The following TAFA1 variants were observed in gnomAD, a reference collection of about 807,000 sequenced individuals.
The protein encoded by TAFA1 is TAFA chemokine like family member 1.
Under a neutral mutation model 18.5 loss-of-function variants are expected in TAFA1, and 4 were observed. The ratio of observed to expected loss-of-function variants is 0.22; its 90% confidence interval spans 0.11 to 0.49. The LOEUF is 0.49. Ranked by LOEUF, TAFA1 falls within the 20% of genes least tolerant of loss-of-function variation. The probability of loss-of-function intolerance (pLI) is 0.98; values close to 1 mark genes in which losing one functional copy is unlikely to be tolerated. For missense variants in TAFA1, 147 were observed against 169.0 expected (o/e 0.87, Z 0.72); for synonymous variants, 56 against 55.2 (o/e 1.01, Z -0.06).
chr3:68,275,391 G>C (rs1438180303), intron 2 of TAFA1, among the ~76,000 whole-genome samples: 1 of 152,042 alleles, frequency 6.6e-6, no homozygotes, highest in Non-Finnish European at 1.5e-5. Flanking sequence ...TCTTGAAGGT[G>C]CAGAGCAAAA....
chr3:68,314,063 T>C (rs1418392981), intron 2 of TAFA1, among the ~76,000 whole-genome samples: 1 of 152,164 alleles, frequency 6.6e-6, no homozygotes, highest in Non-Finnish European at 1.5e-5. Flanking sequence ...TACCCTTGAA[T>C]AGGATTAAGA....
intron 3 of TAFA1, among the ~76,000 whole-genome samples, chr3:68,522,118 A>G (rs1360256047): frequency 6.6e-6 from 1 of 152,016 alleles, no homozygotes; most frequent in African/African-American, 2.4e-5. Flanking sequence ...AAGTACTTGG[A>G]TTCCAGGTGT....
chr3:68,450,688 C>T (rs951585691), intron 3 of TAFA1, among the ~76,000 whole-genome samples: 6 of 152,102 alleles, frequency 3.9e-5, no homozygotes, highest in Admixed American at 1.3e-4. Flanking sequence ...AAGGGGGTCC[C>T]AACATTTTGG....
intron 2 of TAFA1, among the ~76,000 whole-genome samples, chr3:68,299,925 A>T (rs2068273953): frequency 6.6e-6 from 1 of 152,264 alleles, no homozygotes; most frequent in Admixed American, 6.5e-5. Flanking sequence ...CAGAAGATGT[A>T]TGGAACTACC....
chr3:68,215,661 A>G (rs919909585), intron 2 of TAFA1, among the ~76,000 whole-genome samples: 1 of 152,112 alleles, frequency 6.6e-6, no homozygotes, highest in African/African-American at 2.4e-5. Flanking sequence ...AAAACTGGCA[A>G]TACTAAATGC....
intron 2 of TAFA1, among the ~76,000 whole-genome samples, chr3:68,364,651 C>A (rs573358607): frequency 6.6e-6 from 1 of 152,062 alleles, no homozygotes; most frequent in East Asian, 1.9e-4. Flanking sequence ...CTAAGAAAAG[C>A]ATAGACTATA....
chr3:68,065,636 G>T (rs1396334888), intron 2 of TAFA1, among the ~76,000 whole-genome samples: 2 of 151,878 alleles, frequency 1.3e-5, no homozygotes, highest in Admixed American at 1.3e-4. Context: ...TGTGAGTGGA[G>T]ACATAGATGA....
rs528920466 is a variant in TAFA1 at position 68,481,474 on chromosome 3, G to T, written c.260-57282G>T. Among the ~76,000 whole-genome samples the T allele has an allele frequency of 1.5e-4, 23 of 152,252 alleles. No homozygotes were observed. In the East Asian group the frequency reaches 4.5e-3, roughly 29 times the overall value. ...GATCTAAAAGAGTGTTAGAAGAATTGGATGACGTTATATACCTCTTTTGGC... is the reference window on the plus strand; with the variant it reads ...GATCTAAAAGAGTGTTAGAAGAATTTGATGACGTTATATACCTCTTTTGGC... On this transcript the variant is annotated intron_variant, in intron 3 of 4. Transcript: ENST00000478136.
chr3:68,519,157 C>T (rs975654341), intron 3 of TAFA1, among the ~76,000 whole-genome samples: 4 of 152,142 alleles, frequency 2.6e-5, no homozygotes, highest in Non-Finnish European at 5.9e-5. Flanking sequence ...AACCTAATCA[C>T]CAATGTGATG....
intron 2 of TAFA1, among the ~76,000 whole-genome samples, chr3:68,047,872 C>T (rs529369102): frequency 6.6e-6 from 1 of 152,104 alleles, no homozygotes; most frequent in Non-Finnish European, 1.5e-5. Flanking sequence ...GACTCCATCA[C>T]TCTCCTACGA....
chr3:68,217,487 G>A (rs2066673590), intron 2 of TAFA1, among the ~76,000 whole-genome samples: 1 of 151,954 alleles, frequency 6.6e-6, no homozygotes, highest in African/African-American at 2.4e-5. Flanking sequence ...TATCCTGGAT[G>A]GATGGGATCC....
intron 2 of TAFA1, among the ~76,000 whole-genome samples, chr3:68,310,589 A>T (rs967477265): frequency 6.6e-6 from 1 of 152,188 alleles, no homozygotes; most frequent in African/African-American, 2.4e-5. Context: ...ATTCATATAA[A>T]CACTATCATA....
At chr3:68,370,443 T>TGTGTATATATATAC (rs2069671774) in intron 2 of TAFA1, among the ~76,000 whole-genome samples, 1 of 56,606 alleles carries the variant, frequency 1.8e-5, no homozygotes, top group African/African-American at 6.4e-5. Context: ...TATATATACA[T>TGTGTATATATATAC]ATGTATATAT....
chr3:68,431,636 T>C (rs569682926), intron 3 of TAFA1, among the ~76,000 whole-genome samples: 73 of 152,076 alleles, frequency 4.8e-4, no homozygotes, highest in African/African-American at 1.8e-3. Flanking sequence ...GCATTCATTC[T>C]CAAACAGACA....
At chr3:68,051,654 T>C (rs2064472690) in intron 2 of TAFA1, among the ~76,000 whole-genome samples, 1 of 152,190 alleles carries the variant, frequency 6.6e-6, no homozygotes, top group Non-Finnish European at 1.5e-5. Context: ...TCTGAACTTT[T>C]ACCCTCTAAT....
chr3:68,430,953 C>T (rs972034722), intron 3 of TAFA1, among the ~76,000 whole-genome samples: 36 of 151,948 alleles, frequency 2.4e-4, no homozygotes, highest in African/African-American at 8.0e-4. Context: ...TCTGGGTAAA[C>T]GGCTTCTCAT....
At chr3:68,493,210 G>T (rs2072485402) in intron 3 of TAFA1, among the ~76,000 whole-genome samples, 1 of 152,060 alleles carries the variant, frequency 6.6e-6, no homozygotes, top group Non-Finnish European at 1.5e-5. Flanking sequence ...CTTGACTACT[G>T]AAAGTAGTCA....
Position 68,320,964 on chromosome 3 carries a change from A to C in TAFA1, c.119-96316A>C, listed in dbSNP as rs188123388. Among the ~76,000 whole-genome samples the C allele has an allele frequency of 6.9e-3, 1,049 of 152,254 alleles. 9 individuals carry two copies. Among genetic ancestry groups the C allele is most frequent in the African/African-American group, 0.024 (1,008 of 41,564 alleles). On this transcript the variant is annotated intron_variant, in intron 2 of 4. Transcript: ENST00000478136. Reference sequence around the variant, plus strand: ...ATGGTCTAGCCCTAATATCTCCTCCAGCAGAACAGAGTAGACGTTTCCACT... The same window carrying C: ...ATGGTCTAGCCCTAATATCTCCTCCCGCAGAACAGAGTAGACGTTTCCACT...
chr3:68,180,613 A>G (rs2066186545), intron 2 of TAFA1, among the ~76,000 whole-genome samples: 1 of 152,174 alleles, frequency 6.6e-6, no homozygotes, highest in Non-Finnish European at 1.5e-5. Flanking sequence ...CCCCTTCTAG[A>G]GAAGATAGAT....
Sources: allele counts gnomAD v4.1 joint callset (sites outside exome capture counted in the v4.1 genomes callset), GRCh38; gene constraint gnomAD v4.1.1; transcripts MANE v1.5; gene names NCBI Gene and HGNC (gene_info 2026-07-23, HGNC 2026-07-21).